Variants in ERC2 observed in about 807,000 individuals in gnomAD.
ERC2 encodes the protein ELKS/RAB6-interacting/CAST family member 2.
A neutral mutation model predicts 114.8 loss-of-function variants in ERC2; 42 were observed. That is an observed-to-expected ratio of 0.37 (90% confidence interval 0.29 to 0.47). ERC2 has a LOEUF of 0.47. Among genes scored for constraint, ERC2 ranks in the 20% least tolerant of loss-of-function variants. ERC2 has a pLI of 0.99. For missense variants in ERC2, 939 were observed against 1,150.7 expected (o/e 0.82, Z 2.66); for synonymous variants, 454 against 425.5 (o/e 1.07, Z -0.82).
rs549580316 is a variant in ERC2, at chr3:55,606,206, C to T, written c.*39+77588G>A. ...GTTTAGGGGTTCAGTAGGAAGCTCT[C>T]TGGCCTGAAGCCTGAAAAGTCACAG... On this transcript the variant is annotated intron_variant, in intron 17 of 17. Coordinates refer to ENST00000288221, the MANE Select transcript of ERC2 (RefSeq NM_015576.3). Among the ~76,000 whole-genome samples, 177 of 152,238 alleles carry T rather than the reference C, an allele frequency of 1.2e-3. No individual in the cohort carries two copies. In the Middle Eastern group the frequency reaches 0.02, roughly 18 times the overall value.
chr3:56,214,240 C>T (rs529575210), intron 3 of ERC2, among the ~76,000 whole-genome samples: 62 of 152,156 alleles, frequency 4.1e-4, no homozygotes, highest in Middle Eastern at 6.8e-3. Context: ...AGTTAAAAAC[C>T]TTGAAAAAAG....
At chr3:55,680,340 G>A (rs1233406551) in intron 17 of ERC2, among the ~76,000 whole-genome samples, 1 of 152,200 alleles carries the variant, frequency 6.6e-6, no homozygotes, top group Non-Finnish European at 1.5e-5. Flanking sequence ...ACATTCAAAT[G>A]TCGAGGCAGA....
At chr3:56,415,325 G>T (rs991989472) in intron 2 of ERC2, among the ~76,000 whole-genome samples, 2 of 152,214 alleles carry the variant, frequency 1.3e-5, no homozygotes, top group Non-Finnish European at 2.9e-5. Flanking sequence ...AAGGGAGAAA[G>T]TAAAATATAA....
intron 16 of ERC2, among the ~76,000 whole-genome samples, chr3:55,694,408 T>C (rs2062825962): frequency 6.6e-6 from 1 of 152,192 alleles, no homozygotes; most frequent in African/African-American, 2.4e-5. Flanking sequence ...AATCTGAATA[T>C]AAAATGTGAA....
At chr3:55,914,610 A>G (rs2064993213) in intron 13 of ERC2, among the ~76,000 whole-genome samples, 1 of 152,162 alleles carries the variant, frequency 6.6e-6, no homozygotes, top group Non-Finnish European at 1.5e-5. Flanking sequence ...CTGAGAATTC[A>G]TGAACTCCCC....
At chr3:55,576,040 G>A (rs2056963368) in intron 17 of ERC2, among the ~76,000 whole-genome samples, 2 of 152,196 alleles carry the variant, frequency 1.3e-5, no homozygotes, top group African/African-American at 4.8e-5. Context: ...GTTGGGTACG[G>A]TGGCTCACGT....
chr3:56,026,661 A>G (rs186093788), intron 7 of ERC2, among the ~76,000 whole-genome samples: 172 of 152,328 alleles, frequency 1.1e-3, no homozygotes, highest in Non-Finnish European at 2.2e-3. Flanking sequence ...CAGTTATAAG[A>G]AATAATACAA....
chr3:55,743,110 C>A (rs753421619), intron 14 of ERC2, among the ~76,000 whole-genome samples: 4 of 152,190 alleles, frequency 2.6e-5, no homozygotes, highest in African/African-American at 2.4e-5. Flanking sequence ...ACTCCAATTA[C>A]GGAGAATTCT....
At chr3:55,722,493 A>C (rs565965253) in intron 15 of ERC2, among the ~76,000 whole-genome samples, 1 of 152,170 alleles carries the variant, frequency 6.6e-6, no homozygotes, top group Non-Finnish European at 1.5e-5. Flanking sequence ...CAGCTCCCCA[A>C]ATCCCTCATA....
chr3:56,436,535 A>C (rs1025794678), intron 1 of ERC2, among the ~76,000 whole-genome samples: 4 of 152,086 alleles, frequency 2.6e-5, no homozygotes, highest in Non-Finnish European at 5.9e-5. Flanking sequence ...CCTTAGAGAA[A>C]TTGTTCCCAA....
In ERC2 at chr3:56,462,897, C is replaced by T. The variant is rs146689662; in HGVS notation, c.-141+5351G>A. On this transcript the variant is annotated intron_variant, in intron 1 of 17. Coordinates refer to ENST00000288221, the MANE Select transcript of ERC2 (RefSeq NM_015576.3). ...CTATGAATGAACGATGTCACCAAGA[C>T]CAAGATCCTTCCAGGCTCCAGCTTT... Among the ~76,000 whole-genome samples, 101 of 152,268 alleles carry T rather than the reference C, an allele frequency of 6.6e-4. 1 individual carries two copies. Among genetic ancestry groups the T allele is most frequent in the African/African-American group, 2.1e-3 (87 of 41,556 alleles).
chr3:56,275,231 C>T (rs1226384890), intron 3 of ERC2, among the ~76,000 whole-genome samples: 2 of 152,098 alleles, frequency 1.3e-5, no homozygotes, highest in Admixed American at 1.3e-4. Context: ...TTTTTTATGA[C>T]CTCCTCTGCT....
chr3:56,299,685 C>G lies in ERC2; in HGVS notation c.658-3250G>C, dbSNP rs531206063. The stretch of plus-strand genomic sequence containing the variant: ...GCTCAAGTGATCCACCTGCCTCAGC[C>G]TCCCAAAGGGCTGGGACTACACTTG... On this transcript the variant is annotated intron_variant, in intron 2 of 17. Transcript: ENST00000288221. Among the ~76,000 whole-genome samples the G allele has an allele frequency of 2.0e-5, 3 of 152,270 alleles. No homozygotes were observed. The South Asian group carries it at 6.2e-4, about 32-fold the overall frequency.
chr3:55,512,600 C>T (rs546378095), intron 17 of ERC2, among the ~76,000 whole-genome samples: 3 of 152,268 alleles, frequency 2.0e-5, no homozygotes, highest in African/African-American at 7.2e-5. Context: ...ATGCACCAGT[C>T]TTTTGTTTTG....
chr3:55,886,976 T>C (rs1233054233), intron 14 of ERC2, among the ~76,000 whole-genome samples: 1 of 152,250 alleles, frequency 6.6e-6, no homozygotes. Flanking sequence ...CAAACAATCA[T>C]TGAGCACCTC....
intron 17 of ERC2, among the ~76,000 whole-genome samples, chr3:55,523,161 G>A (rs2053078086): frequency 6.6e-6 from 1 of 152,210 alleles, no homozygotes; most frequent in African/African-American, 2.4e-5. Flanking sequence ...GTGGGTTCCG[G>A]GGGCACCCTT....
In ERC2 at chr3:56,411,811, C is replaced by A. The variant is rs571839574; in HGVS notation, c.657+22540G>T. ...AGCTATGAACTCCAGATACTATATT[C>A]TTAACCACTGCACCAAACTGCCCAG... On this transcript the variant is annotated intron_variant, in intron 2 of 17. Transcript: ENST00000288221. 6.0e-4 allele frequency among the ~76,000 whole-genome samples: 91 copies of A among 152,242 alleles called. No individual in the cohort carries two copies. In the Middle Eastern group the frequency reaches 0.01, roughly 17 times the overall value.
intron 12 of ERC2, among the ~76,000 whole-genome samples, chr3:55,976,864 C>T (rs2069629545): frequency 6.6e-6 from 1 of 152,324 alleles, no homozygotes; most frequent in South Asian, 2.1e-4. Context: ...CCAGAAAATT[C>T]ATCCATTGAA....
At chr3:55,954,252 T>C (rs1472582002) in intron 12 of ERC2, among the ~76,000 whole-genome samples, 2 of 152,146 alleles carry the variant, frequency 1.3e-5, no homozygotes, top group Non-Finnish European at 2.9e-5. Flanking sequence ...TAGTTTTCAA[T>C]GTTTAATTTA....
Sources: allele counts gnomAD v4.1 joint callset (sites outside exome capture counted in the v4.1 genomes callset), GRCh38; gene constraint gnomAD v4.1.1; transcripts MANE v1.5; gene names NCBI Gene and HGNC (gene_info 2026-07-23, HGNC 2026-07-21).